Variants in MVB12B observed in about 807,000 individuals in gnomAD.
MVB12B encodes the protein ESCRT-I complex subunit MVB12B.
MVB12B carries 16 observed loss-of-function variants against 41.6 expected under a neutral mutation model. The ratio of observed to expected loss-of-function variants is 0.38; its 90% confidence interval spans 0.26 to 0.58. The LOEUF (loss-of-function observed/expected upper bound fraction) is 0.58, where lower values mean the gene tolerates loss of function less well. Among genes scored for constraint, MVB12B ranks in the 20% least tolerant of loss-of-function variants. The probability of loss-of-function intolerance (pLI) is 0.62; values close to 1 mark genes in which losing one functional copy is unlikely to be tolerated. For synonymous variants in MVB12B, 133 were observed against 139.7 expected, an observed-to-expected ratio of 0.95 and a Z score of 0.34; for missense variants, 274 against 380.2, an observed-to-expected ratio of 0.72 and a Z score of 2.32.
intron 9 of MVB12B, among the ~76,000 whole-genome samples, chr9:126,495,727 G>A (rs1251488374): frequency 1.3e-5 from 2 of 152,072 alleles, no homozygotes; most frequent in African/African-American, 2.4e-5. Flanking sequence ...ATGAGGGTCT[G>A]GAATTGTATC....
At chr9:126,408,960 C>T (rs553802086) in intron 6 of MVB12B, among the ~76,000 whole-genome samples, 13 of 152,230 alleles carry the variant, frequency 8.5e-5, no homozygotes, top group African/African-American at 2.2e-4. Flanking sequence ...TGTCCCGCAG[C>T]GCCCACCTTC....
At chr9:126,466,462 C>T (rs915710893) in intron 7 of MVB12B, among the ~76,000 whole-genome samples, 2 of 152,190 alleles carry the variant, frequency 1.3e-5, no homozygotes, top group Non-Finnish European at 2.9e-5. Context: ...AAATAGATTA[C>T]ACCTCTTGAT....
intron 2 of MVB12B, among the ~76,000 whole-genome samples, chr9:126,364,533 G>T (rs565632540): frequency 1.4e-4 from 21 of 152,312 alleles, no homozygotes; most frequent in African/African-American, 4.6e-4. Flanking sequence ...TGAAATGCTG[G>T]CTGGATCACT....
intron 6 of MVB12B, among the ~76,000 whole-genome samples, chr9:126,409,776 ATTG>A (rs1831574293): frequency 2.0e-5 from 3 of 152,318 alleles, no homozygotes; most frequent in African/African-American, 7.2e-5. Context: ...TAAGATAGTA[ATTG>A]TGTAAGTCTT....
chr9:126,375,488 C>G (rs1830457027), intron 2 of MVB12B, among the ~76,000 whole-genome samples: 1 of 147,492 alleles, frequency 6.8e-6, no homozygotes, highest in Non-Finnish European at 1.5e-5. Context: ...GTTCTAAATG[C>G]TCTCCCCTCC....
chr9:126,369,760 T>A (rs984535772), intron 2 of MVB12B, among the ~76,000 whole-genome samples: 6 of 152,348 alleles, frequency 3.9e-5, no homozygotes, highest in African/African-American at 1.4e-4. Context: ...TTCAAATGAT[T>A]CTTCTGCCTC....
intron 4 of MVB12B, among the ~76,000 whole-genome samples, chr9:126,388,469 G>A (rs1588131272): frequency 6.6e-6 from 1 of 152,192 alleles, no homozygotes; most frequent in Non-Finnish European, 1.5e-5. Context: ...TGTACTTTTT[G>A]GCTGTTAGGA....
chr9:126,340,443 CTT>C lies in MVB12B; in HGVS notation c.82-63_82-62del. 5.0e-6 allele frequency: 8 copies of C among 1,587,814 alleles called. No homozygotes were observed. Among genetic ancestry groups the C allele is most frequent in the Non-Finnish European group, 6.9e-6 (8 of 1,161,106 alleles). On this transcript the variant is annotated intron_variant, in intron 1 of 9. Coordinates refer to ENST00000361171, the MANE Select transcript of MVB12B (RefSeq NM_033446.3). This position sits in a 1 kb window ranked among gnomAD's most constrained non-coding sequence, Gnocchi z 4.0. ...CCCAAGATTCTGGTTCTGTTTGAGA[CTT>C]TATATTATTCACATAAATGCTATGT...
chr9:126,377,992 G>T (rs888020105), intron 2 of MVB12B, among the ~76,000 whole-genome samples: 1 of 152,218 alleles, frequency 6.6e-6, no homozygotes, highest in Non-Finnish European at 1.5e-5. Flanking sequence ...AGTGATGCCC[G>T]CAGGGAAAGG....
chr9:126,467,307 G>A (rs909500341), intron 7 of MVB12B, among the ~76,000 whole-genome samples: 9 of 152,152 alleles, frequency 5.9e-5, no homozygotes, highest in Admixed American at 4.6e-4. Context: ...CATTTTGGCA[G>A]GAATCCTCCT....
At chr9:126,328,391 G>T (rs193107842) in intron 1 of MVB12B, among the ~76,000 whole-genome samples, 1 of 152,168 alleles carries the variant, frequency 6.6e-6, no homozygotes, top group African/African-American at 2.4e-5. Flanking sequence ...CCTAATTTAG[G>T]TTCAAGGCAT....
At chr9:126,394,129 C>T (rs1039422695) in intron 5 of MVB12B, among the ~76,000 whole-genome samples, 6 of 152,186 alleles carry the variant, frequency 3.9e-5, no homozygotes, top group Non-Finnish European at 8.8e-5. Context: ...TCAAAAATCC[C>T]GTTTTGCAAC....
chr9:126,375,886 C>T (rs1030394862), intron 2 of MVB12B, among the ~76,000 whole-genome samples: 3 of 152,080 alleles, frequency 2.0e-5, no homozygotes, highest in African/African-American at 4.8e-5. Flanking sequence ...GTATGTGACC[C>T]GTTATTTTTC....
intron 2 of MVB12B, among the ~76,000 whole-genome samples, chr9:126,379,510 C>T (rs910859789): frequency 1.3e-5 from 2 of 152,142 alleles, no homozygotes; most frequent in East Asian, 1.9e-4. Flanking sequence ...CCCATTCGAT[C>T]GTGTTTCTAT....
chr9:126,438,103 A>G (rs1229786259), intron 7 of MVB12B, among the ~76,000 whole-genome samples: 5 of 152,272 alleles, frequency 3.3e-5, no homozygotes, highest in Non-Finnish European at 7.3e-5. Flanking sequence ...CCTAATTCAT[A>G]CAGTTAAAAA....
At chr9:126,481,092 T>C in intron 7 of MVB12B, 1 of 467,000 alleles carries the variant, frequency 2.1e-6, no homozygotes, top group East Asian at 3.9e-5. Context: ...AGAGTAGGGG[T>C]TCTGGACCAG....
intron 8 of MVB12B, 79 bp downstream of exon 8, chr9:126,481,503 C>G: frequency 9.4e-7 from 1 of 1,059,276 alleles, no homozygotes; most frequent in Non-Finnish European, 1.5e-6. Context: ...ACACAGCACG[C>G]AGGGCTGTTC....
At chr9:126,465,371 C>A (rs1833177481) in intron 7 of MVB12B, among the ~76,000 whole-genome samples, 1 of 152,122 alleles carries the variant, frequency 6.6e-6, no homozygotes, top group Non-Finnish European at 1.5e-5. Flanking sequence ...ACCCCTCAGA[C>A]CAATTGAATC....
chr9:126,496,137 G>A (rs1014273261), intron 9 of MVB12B, among the ~76,000 whole-genome samples: 3 of 151,836 alleles, frequency 2.0e-5, no homozygotes, highest in Admixed American at 1.3e-4. Context: ...CCTTTGCATT[G>A]AGCTATGCCC....
Sources: gnomAD v4.1 joint callset for allele counts (sites outside exome capture counted in the v4.1 genomes callset) on GRCh38, gnomAD v4.1.1 for gene constraint, Gnocchi (gnomAD v3.1) non-coding constraint, MANE v1.5 for transcripts, NCBI Gene and HGNC (gene_info 2026-07-23, HGNC 2026-07-21) for gene names.